Variants in ZNF704 observed in about 807,000 individuals in gnomAD.
ZNF704 encodes the protein glucocorticoid induced gene 1.
ZNF704 carries 10 observed loss-of-function variants against 44.7 expected under a neutral mutation model. The observed-to-expected ratio is 0.22, with a 90% CI of 0.14 to 0.38. ZNF704 has a LOEUF of 0.38. Ranked by LOEUF, ZNF704 falls within the 10% of genes least tolerant of loss-of-function variation. The pLI, the probability that ZNF704 is intolerant of heterozygous loss-of-function variation, is 1.00. For synonymous variants in ZNF704, 211 were observed against 207.6 expected (o/e 1.02, Z -0.14); for missense variants, 390 against 545.5 (o/e 0.71, Z 2.84).
intron 2 of ZNF704, among the ~76,000 whole-genome samples, chr8:80,747,909 G>T (rs1002155367): frequency 2.0e-5 from 3 of 152,114 alleles, no homozygotes; most frequent in African/African-American, 7.2e-5. Flanking sequence ...TAGAGACAGG[G>T]TTTCACCTTG....
intron 2 of ZNF704, among the ~76,000 whole-genome samples, chr8:80,762,555 C>T (rs1382546193): frequency 6.6e-6 from 1 of 152,182 alleles, no homozygotes; most frequent in Admixed American, 6.5e-5. Flanking sequence ...AATCACCTCC[C>T]TCCCTTGACA....
At chr8:80,801,757 A>G (rs1424578584) in intron 2 of ZNF704, among the ~76,000 whole-genome samples, 1 of 152,128 alleles carries the variant, frequency 6.6e-6, no homozygotes, top group Non-Finnish European at 1.5e-5. Flanking sequence ...AGTCGCAACT[A>G]AAAGAACTAG....
chr8:80,821,599 C>T lies in ZNF704; in HGVS notation c.-5G>A, dbSNP rs752164719. 6.8e-6 allele frequency: 11 copies of T among 1,612,706 alleles called. No homozygotes were observed. The highest frequency in any genetic ancestry group is 4.5e-5 in the East Asian group (2 of 44,882). On this transcript the variant is annotated 5_prime_UTR_variant, in exon 2 of 9. Transcript: ENST00000327835. ...TGACTGAAATGTGAAGGTCATTTCC[C>T]GCTTAATGCTCCCCACCTGTGAAAT...
chr8:80,774,295 C>T (rs1807374616), intron 2 of ZNF704, among the ~76,000 whole-genome samples: 1 of 152,040 alleles, frequency 6.6e-6, no homozygotes, highest in Admixed American at 6.6e-5. Flanking sequence ...ATCCTGAATT[C>T]CTGGGCTCAA....
intron 5 of ZNF704, among the ~76,000 whole-genome samples, chr8:80,665,666 C>A (rs1180827815): frequency 2.6e-5 from 4 of 152,130 alleles, no homozygotes; most frequent in East Asian, 1.9e-4. Flanking sequence ...TGTACCCCCC[C>A]ATTCAACCTC....
chr8:80,862,132 G>A (rs977785390), intron 1 of ZNF704, among the ~76,000 whole-genome samples: 8 of 150,220 alleles, frequency 5.3e-5, no homozygotes, highest in African/African-American at 1.7e-4. Context: ...GCCTCCCGAG[G>A]AGCTGGGATT....
chr8:80,735,356 C>T (rs1329886159), intron 2 of ZNF704, among the ~76,000 whole-genome samples: 1 of 152,194 alleles, frequency 6.6e-6, no homozygotes, highest in South Asian at 2.1e-4. Context: ...TCTGTCCAAA[C>T]TGATCCATGC....
chr8:80,702,179 G>A (rs1818820818), intron 2 of ZNF704, among the ~76,000 whole-genome samples: 1 of 152,140 alleles, frequency 6.6e-6, no homozygotes, highest in African/African-American at 2.4e-5. Context: ...CTGGAGTGAG[G>A]AGAACAAAGA....
rs1234338949 is a variant in ZNF704, at chr8:80,635,636, C to T, written c.*5730G>A. 6.6e-6 allele frequency: 1 copy of T among 152,100 alleles called. No homozygotes were observed. The highest frequency in any genetic ancestry group is 1.5e-5 in the Non-Finnish European group (1 of 68,000). 9.4% of individuals were successfully genotyped at this position (152,100 alleles called of 1,614,324 possible). A position where few individuals can be genotyped will look rare whatever the true frequency, so the allele number is the denominator to read the frequency against. On this transcript the variant is annotated 3_prime_UTR_variant, in exon 9 of 9. Coordinates refer to ENST00000327835, the MANE Select transcript of ZNF704 (RefSeq NM_001033723.3). Reference sequence around the variant, plus strand: ...TCAAGTGGTAAACTTGTCTTTGTGACACAGAATTTATCATTTTACACTAAA... The same window carrying T: ...TCAAGTGGTAAACTTGTCTTTGTGATACAGAATTTATCATTTTACACTAAA...
chr8:80,861,991 CTTTTTTTT>C (rs71266093), intron 1 of ZNF704, among the ~76,000 whole-genome samples: 15 of 92,952 alleles, frequency 1.6e-4, no homozygotes, highest in African/African-American at 4.9e-4. Flanking sequence ...AAAAAATAAC[CTTTTTTTT>C]TTTTTTTTTT....
intron 4 of ZNF704, among the ~76,000 whole-genome samples, chr8:80,682,742 G>A (rs1401853450): frequency 6.6e-6 from 1 of 152,192 alleles, no homozygotes; most frequent in African/African-American, 2.4e-5. Context: ...GAGGGGGGAG[G>A]AGGAAAGGCA....
intron 1 of ZNF704, among the ~76,000 whole-genome samples, chr8:80,832,939 A>C (rs912832833): frequency 1.3e-5 from 2 of 152,252 alleles, no homozygotes; most frequent in Non-Finnish European, 2.9e-5. Context: ...TGACAATGAC[A>C]CATCAACCAC....
At position 80,641,098 on chromosome 8, in the gene ZNF704, A is replaced by C. The variant is rs1817734983; in HGVS notation, c.*268T>G. 3.9e-6 allele frequency: 1 copy of C among 253,818 alleles called. No individual in the cohort carries two copies. The highest frequency in any genetic ancestry group is 7.5e-6 in the Non-Finnish European group (1 of 134,078). The allele number at this position is 253,818 out of a possible 1,614,324, so 15.7% of individuals were successfully genotyped here. ...ACAGTTTTAAGTCTAGACATACAGC[A>C]AAAAAAGTTGACTTTTCTTTTGAAG... On this transcript the variant is annotated 3_prime_UTR_variant, in exon 9 of 9. Transcript: ENST00000327835.
chr8:80,694,025 C>A (rs1818685035), intron 2 of ZNF704, among the ~76,000 whole-genome samples: 1 of 152,064 alleles, frequency 6.6e-6, no homozygotes, highest in African/African-American at 2.4e-5. Context: ...GCAGGACTGG[C>A]TGATGCACTT....
intron 1 of ZNF704, among the ~76,000 whole-genome samples, chr8:80,848,735 T>C (rs944033022): frequency 1.3e-5 from 2 of 151,672 alleles, no homozygotes; most frequent in Admixed American, 6.6e-5. Context: ...TACTCACCAC[T>C]GCACTCCAGC....
chr8:80,819,647 T>C (rs1169415765), intron 2 of ZNF704, among the ~76,000 whole-genome samples: 3 of 151,712 alleles, frequency 2.0e-5, no homozygotes, highest in Non-Finnish European at 4.4e-5. Context: ...GAGATGCCTA[T>C]GAGGGTCAGG....
chr8:80,761,234 A>G (rs1807125238), intron 2 of ZNF704, among the ~76,000 whole-genome samples: 1 of 152,304 alleles, frequency 6.6e-6, no homozygotes, highest in East Asian at 1.9e-4. Flanking sequence ...CCTTGATCTT[A>G]GACTTCTCAG....
chr8:80,821,570 C>T lies in ZNF704; in HGVS notation c.25G>A (p.Asp9Asn), dbSNP rs1808271987. The change falls in exon 2 of 9, where the codon GAC becomes AAC. Residue 9 changes from aspartate to asparagine, a missense_variant. By Grantham distance (23) the Asp-to-Asn change is conservative (BLOSUM62 1). Transcript: ENST00000327835. ...TTTTTACCACAGTCACGTTTTAAGT[C>T]CTCTGACTGAAATGTGAAGGTCATT... is the stretch of plus-strand genomic sequence containing the variant. MTFTFQSE[D>N]LKRDCGKKMS... The T allele has an allele frequency of 1.2e-6, 2 of 1,613,628 alleles. No homozygotes were observed. The highest frequency in any genetic ancestry group is 1.7e-6 in the Non-Finnish European group (2 of 1,179,920).
intron 2 of ZNF704, among the ~76,000 whole-genome samples, chr8:80,821,109 C>T (rs1235325841): frequency 1.3e-5 from 2 of 152,140 alleles, no homozygotes; most frequent in Non-Finnish European, 2.9e-5. Context: ...TGCATTTATT[C>T]CTTTGCTCTT....
Sources: allele counts gnomAD v4.1 joint callset (sites outside exome capture counted in the v4.1 genomes callset), GRCh38; gene constraint gnomAD v4.1.1; transcripts MANE v1.5; gene names NCBI Gene and HGNC (gene_info 2026-07-23, HGNC 2026-07-21).